PLCB1: variants seen among roughly 807,000 people sequenced by gnomAD.
PLCB1 encodes 1-phosphatidylinositol 4,5-bisphosphate phosphodiesterase beta-1.
PLCB1 carries 46 observed loss-of-function variants against 161.8 expected under a neutral mutation model. The ratio of observed to expected loss-of-function variants is 0.28; its 90% CI spans 0.22 to 0.36. PLCB1 has a LOEUF of 0.36. Ranked by LOEUF, PLCB1 falls within the 10% of genes least tolerant of loss-of-function variation. The pLI is 1.00. For missense variants in PLCB1, 1,016 were observed against 1,472.5 expected (o/e 0.69, Z 5.07); for synonymous variants, 517 against 503.7 (o/e 1.03, Z -0.35).
At chr20:8,720,779 G>T (rs1326354137) in intron 14 of PLCB1, among the ~76,000 whole-genome samples, 1 of 151,556 alleles carries the variant, frequency 6.6e-6, no homozygotes, top group South Asian at 2.1e-4. Context: ...TGGGTCCCAT[G>T]AAGTATTTTA....
At chr20:8,784,673 A>G (rs1290413733) in intron 27 of PLCB1, among the ~76,000 whole-genome samples, 2 of 152,190 alleles carry the variant, frequency 1.3e-5, no homozygotes, top group African/African-American at 4.8e-5. Flanking sequence ...TTTACATATT[A>G]AACAGATATC....
rs113897214 is a variant in PLCB1 at position 8,325,577 on chromosome 20, T to C, written c.178-45805T>C. Among the ~76,000 whole-genome samples the C allele has an allele frequency of 8.5e-5, 13 of 152,322 alleles. 1 individual carries two copies. Among genetic ancestry groups the C allele is most frequent in the African/African-American group, 3.1e-4 (13 of 41,584 alleles). On this transcript the variant is annotated intron_variant, in intron 2 of 31. Transcript: ENST00000338037. The stretch of plus-strand genomic sequence containing the variant: ...ACTGAGCTGAGAAATTTATCATGTA[T>C]TAATTCATTTAATCCTCACAGCCAG...
chr20:8,553,108 A>C (rs955550900), intron 3 of PLCB1, among the ~76,000 whole-genome samples: 14 of 152,172 alleles, frequency 9.2e-5, no homozygotes. Context: ...TGCAAATGCC[A>C]AAGCATGGGC....
intron 3 of PLCB1, among the ~76,000 whole-genome samples, chr20:8,427,996 G>C (rs1345242356): frequency 2.6e-5 from 4 of 152,104 alleles, no homozygotes. Flanking sequence ...AATTTGTGCT[G>C]AATGTGTGGC....
At chr20:8,219,029 A>T (rs560553141) in intron 2 of PLCB1, among the ~76,000 whole-genome samples, 1 of 152,254 alleles carries the variant, frequency 6.6e-6, no homozygotes, top group African/African-American at 2.4e-5. Flanking sequence ...TGTTAAGAAC[A>T]TTACCAAGAG....
At chr20:8,145,665 A>G (rs1432545804) in intron 1 of PLCB1, among the ~76,000 whole-genome samples, 1 of 152,162 alleles carries the variant, frequency 6.6e-6, no homozygotes, top group African/African-American at 2.4e-5. Flanking sequence ...TTTGTGAGAA[A>G]TCTCCCTGTT....
At chr20:8,220,183 C>T (rs181708418) in intron 2 of PLCB1, among the ~76,000 whole-genome samples, 134 of 152,140 alleles carry the variant, frequency 8.8e-4, no homozygotes, top group African/African-American at 3.0e-3. Context: ...CCAAAAACTG[C>T]GATTGGTATC....
chr20:8,766,269 G>T (rs1055823534), intron 26 of PLCB1, among the ~76,000 whole-genome samples: 2 of 152,188 alleles, frequency 1.3e-5, no homozygotes, highest in African/African-American at 4.8e-5. Flanking sequence ...ATCATCTCAG[G>T]CTGTGATGAG....
At chr20:8,531,349 A>G (rs897877040) in intron 3 of PLCB1, among the ~76,000 whole-genome samples, 48 of 152,152 alleles carry the variant, frequency 3.2e-4, no homozygotes, top group African/African-American at 1.1e-3. Context: ...TACATGTGTT[A>G]TGATGTTTTG....
At chr20:8,152,695 A>G (rs1209751446) in intron 2 of PLCB1, among the ~76,000 whole-genome samples, 2 of 151,778 alleles carry the variant, frequency 1.3e-5, no homozygotes, top group Non-Finnish European at 2.9e-5. Flanking sequence ...TGTGTTTTCC[A>G]TTGGTTGGGA....
Position 8,790,319 on chromosome 20 carries a change from G to C in PLCB1, c.3423+58G>C, listed in dbSNP as rs139850494. ...TTTATTTGATTTCCATTTAGTAAGAGTAAAACCTTCCTGGTTTACATAAGT... is the reference window on the plus strand; with the variant it reads ...TTTATTTGATTTCCATTTAGTAAGACTAAAACCTTCCTGGTTTACATAAGT... On this transcript the variant is annotated intron_variant, in intron 31 of 31. Transcript: ENST00000338037. 1.1e-4 allele frequency: 151 copies of C among 1,329,764 alleles called. No homozygotes were observed. In the African/African-American group the frequency reaches 1.8e-3, roughly 15 times the overall value. 82.4% of individuals were successfully genotyped at this position (1,329,764 alleles called of 1,614,324 possible).
chr20:8,770,048 G>A (rs1982589860), intron 26 of PLCB1, among the ~76,000 whole-genome samples: 1 of 151,990 alleles, frequency 6.6e-6, no homozygotes, highest in Admixed American at 6.6e-5. Context: ...CGCCTCCCGG[G>A]TTCATGCCAT....
intron 2 of PLCB1, among the ~76,000 whole-genome samples, chr20:8,353,493 G>A (rs1394218886): frequency 6.6e-6 from 1 of 151,974 alleles, no homozygotes; most frequent in Admixed American, 6.6e-5. Flanking sequence ...TTGTGATGCA[G>A]AAACTGACAA....
intron 2 of PLCB1, among the ~76,000 whole-genome samples, chr20:8,361,178 G>A (rs1986528961): frequency 6.6e-6 from 1 of 152,176 alleles, no homozygotes; most frequent in Admixed American, 6.5e-5. Context: ...GGCCTCTAGG[G>A]CCCAATGTGG....
chr20:8,741,115 C>A (rs752374002), intron 22 of PLCB1, among the ~76,000 whole-genome samples: 2 of 152,114 alleles, frequency 1.3e-5, no homozygotes, highest in African/African-American at 2.4e-5. Flanking sequence ...ATGGATGGGA[C>A]CTTCAAAAAG....
chr20:8,361,752 G>C (rs1351645672), intron 2 of PLCB1, among the ~76,000 whole-genome samples: 1 of 152,178 alleles, frequency 6.6e-6, no homozygotes, highest in Non-Finnish European at 1.5e-5. Context: ...GTAAACCAGA[G>C]ATAACATTTT....
chr20:8,602,444 C>T (rs1987618693), intron 3 of PLCB1, among the ~76,000 whole-genome samples: 1 of 152,152 alleles, frequency 6.6e-6, no homozygotes, highest in African/African-American at 2.4e-5. Context: ...CATGAATAGA[C>T]TTATCTATCC....
intron 3 of PLCB1, among the ~76,000 whole-genome samples, chr20:8,560,464 A>T (rs1011845349): frequency 6.6e-6 from 1 of 151,944 alleles, no homozygotes; most frequent in Non-Finnish European, 1.5e-5. Context: ...AGGTTTTAAA[A>T]AAAAATACTG....
Position 8,377,231 on chromosome 20 carries a change from G to A in PLCB1, c.246+5781G>A, listed in dbSNP as rs115881417. ...CTTTACAGAGCCATAGTGGGGAAAG[G>A]TGTCTTGATAGGAGGCAGTTATATG... On this transcript the variant is annotated intron_variant, in intron 3 of 31. Coordinates refer to ENST00000338037, the MANE Select transcript of PLCB1 (RefSeq NM_015192.4). Among the ~76,000 whole-genome samples, 1,116 of 152,252 alleles carry A rather than the reference G, an allele frequency of 7.3e-3. 23 individuals carry two copies. The highest frequency in any genetic ancestry group is 0.025 in the African/African-American group (1,045 of 41,542).
Sources: allele counts gnomAD v4.1 joint callset (sites outside exome capture counted in the v4.1 genomes callset), GRCh38; gene constraint gnomAD v4.1.1; transcripts MANE v1.5; gene names NCBI Gene and HGNC (gene_info 2026-07-23, HGNC 2026-07-21).